DGCR8: variants seen among roughly 807,000 people sequenced by gnomAD.
DGCR8 encodes the protein DGCR8 microprocessor complex subunit.
In DGCR8, 14 loss-of-function variants were observed where a neutral mutation model predicts 78.5. The ratio of observed to expected loss-of-function variants is 0.18; its 90% confidence interval spans 0.12 to 0.28. The LOEUF (loss-of-function observed/expected upper bound fraction) is 0.28. Among genes scored for constraint, DGCR8 ranks in the 10% least tolerant of loss-of-function variants. The pLI is 1.00. For synonymous variants in DGCR8, 399 were observed against 402.4 expected, an observed-to-expected ratio of 0.99 and a Z score of 0.10; for missense variants, 702 against 1,022.5, an observed-to-expected ratio of 0.69 and a Z score of 4.28.
chr22:20,081,419 C>CA (rs1168295860), intron 1 of DGCR8, among the ~76,000 whole-genome samples: 14 of 152,220 alleles, frequency 9.2e-5, no homozygotes, highest in Non-Finnish European at 1.9e-4. Flanking sequence ...GTCCTGTTGG[C>CA]AAGGCAGGGT....
At chr22:20,096,382 T>G in intron 9 of DGCR8, 2 of 952,290 alleles carry the variant, frequency 2.1e-6, no homozygotes, top group South Asian at 4.8e-5. Context: ...AGTGGGCCCA[T>G]GGAGTTCAAA....
At chr22:20,099,124 G>A (rs540494089) in intron 9 of DGCR8, among the ~76,000 whole-genome samples, 2 of 152,246 alleles carry the variant, frequency 1.3e-5, no homozygotes, top group Non-Finnish European at 2.9e-5. Context: ...GGTGTGCTCC[G>A]GTGGCTGCCA....
intron 1 of DGCR8, among the ~76,000 whole-genome samples, chr22:20,083,557 G>A (rs1411911395): frequency 6.6e-6 from 1 of 152,014 alleles, no homozygotes; most frequent in East Asian, 1.9e-4. Context: ...TAGCACCTTT[G>A]CTTGGAACGT....
intron 9 of DGCR8, chr22:20,101,705 C>T (rs1568959734): frequency 2.0e-6 from 2 of 985,274 alleles, no homozygotes; most frequent in African/African-American, 3.5e-5. Flanking sequence ...ATCTCCTGTT[C>T]CTGGGAAGTT....
chr22:20,109,078 C>G (rs1471027031), intron 13 of DGCR8, 75 bp downstream of exon 13: 1 of 789,118 alleles, frequency 1.3e-6, no homozygotes, highest in Non-Finnish European at 2.3e-6. Context: ...CAGCAGACCC[C>G]AGGACCCGTG....
chr22:20,106,373 A>G (rs1184234652), intron 10 of DGCR8, 96 bp downstream of exon 10: 6 of 1,132,780 alleles, frequency 5.3e-6, no homozygotes, highest in African/African-American at 1.5e-5. Flanking sequence ...AGGCAGAGGC[A>G]TGGCCAGGTT....
At position 20,089,879 on chromosome 22, in the gene DGCR8, C is replaced by T. The variant is rs962597293; in HGVS notation, c.1023+68C>T. 1.2e-5 allele frequency: 19 copies of T among 1,596,316 alleles called. No homozygotes were observed. The highest frequency in any genetic ancestry group is 3.4e-5 in the South Asian group (3 of 89,286). ...AGACCAAAACGTGCACATCCACACA[C>T]ATGGCACCGCAGCCAAGCAGAGGCC... On this transcript the variant is annotated intron_variant, in intron 4 of 13. Coordinates refer to ENST00000351989, the MANE Select transcript of DGCR8 (RefSeq NM_022720.7). This position sits in a 1 kb window ranked among gnomAD's most constrained non-coding sequence, Gnocchi z 4.9.
intron 9 of DGCR8, among the ~76,000 whole-genome samples, chr22:20,097,982 C>G (rs925302542): frequency 6.6e-6 from 1 of 151,104 alleles, no homozygotes; most frequent in African/African-American, 2.4e-5. Flanking sequence ...CAAAAATTAG[C>G]TGGGTGTGGT....
At chr22:20,090,685 C>T (rs1180989574) in intron 5 of DGCR8, among the ~76,000 whole-genome samples, 2 of 152,138 alleles carry the variant, frequency 1.3e-5, no homozygotes, top group Non-Finnish European at 2.9e-5. Context: ...TGGATAGTTC[C>T]CTCTTCAATC....
rs1481519906 is a variant in DGCR8 at position 20,089,207 on chromosome 22, C to CA, written c.881-461dup. Among the ~76,000 whole-genome samples the CA allele has an allele frequency of 6.6e-6, 1 of 152,150 alleles. No individual in the cohort carries two copies. Among genetic ancestry groups the CA allele is most frequent in the Admixed American group, 6.6e-5 (1 of 15,256 alleles). ...AACTTAGAAACGGAATCATTTGAAGCAGTGTTTTGTATGCTGCTGAGAGTG... is the reference window on the plus strand; with the variant it reads ...AACTTAGAAACGGAATCATTTGAAGCAAGTGTTTTGTATGCTGCTGAGAGTG... On this transcript the variant is annotated intron_variant, in intron 3 of 13. Transcript: ENST00000351989. This position sits in a 1 kb window ranked among gnomAD's most constrained non-coding sequence, Gnocchi z 4.9.
chr22:20,108,775 C>CTGCCAGACCCAGGGCGCGCCTACCT, intron 12 of DGCR8, 115 bp from the exon 13 acceptor site: 1 of 202,652 alleles, frequency 4.9e-6, no homozygotes, highest in Non-Finnish European at 8.8e-6. Flanking sequence ...TGTTTCGTGT[C>CTGCCAGACCCAGGGCGCGCCTACCT]TGCCAGACCC....
chr22:20,082,541 G>C (rs896259465), intron 1 of DGCR8, among the ~76,000 whole-genome samples: 1 of 151,722 alleles, frequency 6.6e-6, no homozygotes, highest in Admixed American at 6.6e-5. Context: ...CTAATTTTTT[G>C]TATTTTTAAT....
intron 7 of DGCR8, 47 bp downstream of exon 7, chr22:20,092,017 A>C: frequency 6.6e-7 from 1 of 1,509,126 alleles, no homozygotes; most frequent in Non-Finnish European, 9.1e-7. Context: ...CACAAGGTGT[A>C]ACTTTGGTCA....
At chr22:20,081,232 A>G (rs887131710) in intron 1 of DGCR8, among the ~76,000 whole-genome samples, 1 of 152,190 alleles carries the variant, frequency 6.6e-6, no homozygotes, top group South Asian at 2.1e-4. Context: ...AGCGGGAGAG[A>G]CTTGACCAAA....
Position 20,090,061 on chromosome 22 carries a change from T to A in DGCR8, c.1109T>A (p.Leu370His). The change falls in exon 5 of 14, where the codon CTC becomes CAC. Residue 370 changes from leucine to histidine, a missense_variant. Leu to His is a moderately conservative substitution (Grantham distance 99). This residue lies in a region of DGCR8 where 119 missense variants were observed against 126.1 expected (regional missense o/e 0.94). Coordinates refer to ENST00000351989, the MANE Select transcript of DGCR8 (RefSeq NM_022720.7). ...GAGGAACGGGAGCAAAGCAGTGACC[T>A]CACCCCTAGTGGGGATGTGTCCCCC... ...DNEEREQSSD[L>H]TPSGDVSPVK... 6.2e-7 allele frequency: 1 copy of A among 1,614,200 alleles called. No individual in the cohort carries two copies. The highest frequency in any genetic ancestry group is 8.5e-7 in the Non-Finnish European group (1 of 1,180,034).
intron 1 of DGCR8, among the ~76,000 whole-genome samples, chr22:20,083,206 C>T (rs1023915515): frequency 2.6e-5 from 4 of 152,156 alleles, no homozygotes; most frequent in African/African-American, 4.8e-5. Flanking sequence ...AACTGCCTCC[C>T]CTTCTTCAGG....
chr22:20,106,465 C>T (rs1054918316), intron 10 of DGCR8, 127 bp from the exon 11 acceptor site: 2 of 845,204 alleles, frequency 2.4e-6, no homozygotes, highest in Admixed American at 4.1e-5. Flanking sequence ...GAATTCCCTC[C>T]TCTGGCTGAG....
At chr22:20,102,116 GA>G in intron 9 of DGCR8, 1 of 964,856 alleles carries the variant, frequency 1.0e-6, no homozygotes, top group South Asian at 4.8e-5. Flanking sequence ...AATTTACATA[GA>G]GTTAAATTCA....
chr22:20,110,267 G>A lies in DGCR8; in HGVS notation c.*159G>A. 1.5e-6 allele frequency: 1 copy of A among 663,654 alleles called. No homozygotes were observed. The highest frequency in any genetic ancestry group is 1.9e-5 in the South Asian group (1 of 53,118). The allele number at this position is 663,654 out of a possible 1,614,324, so 41.1% of individuals were successfully genotyped here. Reference sequence around the variant, plus strand: ...TTAGGGTGGAGGCTTTAGTGTACAGGGACAGCCATGGCCACACAGCACACA... The same window carrying A: ...TTAGGGTGGAGGCTTTAGTGTACAGAGACAGCCATGGCCACACAGCACACA... On this transcript the variant is annotated 3_prime_UTR_variant, in exon 14 of 14. Transcript: ENST00000351989.
Sources: gnomAD v4.1 joint callset for allele counts (sites outside exome capture counted in the v4.1 genomes callset) on GRCh38, gnomAD v4.1.1 for gene constraint, gnomAD v4.1.1 regional missense constraint, Gnocchi (gnomAD v3.1) non-coding constraint, MANE v1.5 for transcripts, NCBI Gene and HGNC (gene_info 2026-07-23, HGNC 2026-07-21) for gene names.